Variants in DIXDC1 observed in about 807,000 individuals in gnomAD.
The protein encoded by DIXDC1 is dixin.
DIXDC1 carries 64 observed loss-of-function variants against 103.1 expected under a neutral mutation model. That is an observed-to-expected ratio of 0.62 (90% confidence interval 0.51 to 0.76). The LOEUF (loss-of-function observed/expected upper bound fraction) is 0.76, where lower values mean the gene tolerates loss of function less well. DIXDC1 is among the 30% of genes least tolerant of loss of function. The pLI, the probability that DIXDC1 is intolerant of heterozygous loss-of-function variation, is 0.00. For synonymous variants in DIXDC1, 266 were observed against 298.5 expected, an observed-to-expected ratio of 0.89 and a Z score of 1.12; for missense variants, 759 against 834.2, an observed-to-expected ratio of 0.91 and a Z score of 1.11.
chr11:112,005,702 A>C (rs1555176537), intron 17 of DIXDC1, among the ~76,000 whole-genome samples: 1 of 152,168 alleles, frequency 6.6e-6, no homozygotes, highest in Non-Finnish European at 1.5e-5. Context: ...AGAGTGAGAC[A>C]CTGTCCTCTC....
intron 1 of DIXDC1, among the ~76,000 whole-genome samples, chr11:111,960,594 T>TAAA (rs57035300): frequency 7.2e-6 from 1 of 139,686 alleles, no homozygotes; most frequent in African/African-American, 2.6e-5. Context: ...AACTCTGTCT[T>TAAA]AAAAAAAAAA....
In DIXDC1 at chr11:111,995,386, C is replaced by CT. The variant is rs782206207; in HGVS notation, c.1528-15dup. On this transcript the variant is annotated splice_polypyrimidine_tract_variant and intron_variant, in intron 15 of 19. Transcript: ENST00000440460. ...TGGCACCGTGCCATGCCAGCAACAC[C>CT]TTATTTTTGCCCACAGACCAGCGAC... 17 of 1,609,368 alleles carry CT rather than the reference C, an allele frequency of 1.1e-5. No individual in the cohort carries two copies. Among genetic ancestry groups the CT allele is most frequent in the Non-Finnish European group, 1.4e-5 (17 of 1,179,848 alleles).
upstream of DIXDC1, chr11:111,937,172 G>A (rs34088139): frequency 0.32 from 319,963 of 993,344 alleles, 54,017 homozygotes; most frequent in East Asian, 0.52. Flanking sequence ...TGCAGCGCGC[G>A]CCCTCGCCAG....
upstream of DIXDC1, among the ~76,000 whole-genome samples, chr11:111,934,419 A>G (rs1592532631): frequency 6.6e-6 from 1 of 152,360 alleles, no homozygotes; most frequent in East Asian, 1.9e-4. Context: ...ATATGCAGAA[A>G]GCAGTTTGCT....
intron 1 of DIXDC1, among the ~76,000 whole-genome samples, chr11:111,939,023 C>G (rs1966320707): frequency 6.6e-6 from 1 of 152,214 alleles, no homozygotes; most frequent in South Asian, 2.1e-4. Flanking sequence ...TTCCTCTTTT[C>G]TCACTCTCTG....
chr11:111,970,100 G>A (rs1185345674), intron 3 of DIXDC1, among the ~76,000 whole-genome samples: 1 of 152,158 alleles, frequency 6.6e-6, no homozygotes, highest in Non-Finnish European at 1.5e-5. Context: ...TTGTCACCCA[G>A]ACTGGAGTTC....
At chr11:111,934,350 A>G (rs782791938), upstream of DIXDC1, among the ~76,000 whole-genome samples, 6 of 152,182 alleles carry the variant, frequency 3.9e-5, no homozygotes, top group Non-Finnish European at 8.8e-5. Context: ...ATTATTGTCA[A>G]AATAATGCAG....
At chr11:112,000,029 G>A (rs1049240777) in intron 17 of DIXDC1, among the ~76,000 whole-genome samples, 7 of 151,990 alleles carry the variant, frequency 4.6e-5, no homozygotes, top group Admixed American at 1.3e-4. Context: ...CCAGCTACTC[G>A]GGGGCTGAGG....
intron 5 of DIXDC1, chr11:111,975,354 T>C: frequency 1.9e-6 from 2 of 1,069,626 alleles, no homozygotes; most frequent in Non-Finnish European, 2.3e-6. Context: ...TAAGTGTAAC[T>C]CTTAAGGCCG....
chr11:111,995,398 C>T lies in DIXDC1; in HGVS notation c.1528-5C>T. ...ATGCCAGCAACACCTTATTTTTGCCCACAGACCAGCGACCTGCAGCTTGTT... is the reference window on the plus strand; with the variant it reads ...ATGCCAGCAACACCTTATTTTTGCCTACAGACCAGCGACCTGCAGCTTGTT... On this transcript the variant is annotated splice_region_variant and splice_polypyrimidine_tract_variant and intron_variant, in intron 15 of 19. Transcript: ENST00000440460. 1 of 1,610,706 alleles carries T rather than the reference C, an allele frequency of 6.2e-7. No individual in the cohort carries two copies. The highest frequency in any genetic ancestry group is 8.5e-7 in the Non-Finnish European group (1 of 1,179,852).
intron 1 of DIXDC1, among the ~76,000 whole-genome samples, chr11:111,945,484 T>C (rs782590892): frequency 1.3e-5 from 2 of 152,184 alleles, no homozygotes; most frequent in African/African-American, 2.4e-5. Context: ...GAGGGAATCA[T>C]TGTGGGCTGG....
At chr11:112,000,110 A>G (rs61196156) in intron 17 of DIXDC1, among the ~76,000 whole-genome samples, 12,745 of 152,022 alleles carry the variant, frequency 0.084, 1,597 homozygotes, top group African/African-American at 0.27. Context: ...ACTCCAGCCT[A>G]GGCTACAGAG....
rs1215282446 is a variant in DIXDC1, at chr11:111,929,200, A to G, written c.-36-618A>G. Among the ~76,000 whole-genome samples the G allele has an allele frequency of 4.3e-4, 65 of 152,174 alleles. 1 individual carries two copies. Among genetic ancestry groups the G allele is most frequent in the Non-Finnish European group, 1.3e-4 (9 of 68,022 alleles). On this transcript the variant is annotated intron_variant, in intron 1 of 5. Coordinates refer to the DIXDC1 transcript ENST00000529225. ...TCCCCCCAACAAAAAAAAGAATTAC[A>G]CATGTTGCCTCTCTGGGTTAAAACT...
Position 111,992,492 on chromosome 11 carries a change from G to T in DIXDC1, c.1191G>T (p.Met397Ile). 1 of 1,571,474 alleles carries T rather than the reference G, an allele frequency of 6.4e-7. No homozygotes were observed. The highest frequency in any genetic ancestry group is 1.9e-5 in the Admixed American group (1 of 53,598). The change falls in exon 11 of 20, where the codon ATG (methionine) becomes ATT (isoleucine). Residue 397 changes from methionine (M) to isoleucine (I), a missense_variant. Met to Ile is a conservative substitution (Grantham distance 10). Transcript: ENST00000440460. ...QLKQELLRAN[M>I]DKDELHNQNV... ...AACAAGAGCTACTGAGGGCAAATAT[G>T]GACAAAGATGAGCTGCACAACCAGA...
At chr11:112,004,003 A>C (rs1247350529) in intron 17 of DIXDC1, among the ~76,000 whole-genome samples, 1 of 144,158 alleles carries the variant, frequency 6.9e-6, no homozygotes, top group Non-Finnish European at 1.5e-5. Flanking sequence ...ACATAAAAAA[A>C]CCCCATCTTA....
chr11:111,975,584 T>A, intron 5 of DIXDC1: 2 of 985,712 alleles, frequency 2.0e-6, no homozygotes, highest in Non-Finnish European at 2.4e-6. Flanking sequence ...ACCTTATCAG[T>A]GGCAGAAAAA....
At chr11:111,971,139 C>T (rs1859909460) in intron 3 of DIXDC1, among the ~76,000 whole-genome samples, 1 of 152,174 alleles carries the variant, frequency 6.6e-6, no homozygotes. Context: ...TCTAATTAAA[C>T]TAAAGAGCCT....
At chr11:111,955,592 T>C (rs1235159329) in intron 1 of DIXDC1, among the ~76,000 whole-genome samples, 2 of 151,720 alleles carry the variant, frequency 1.3e-5, no homozygotes, top group African/African-American at 4.8e-5. Context: ...CTCAGCACTT[T>C]GGGAAGCCAA....
In DIXDC1 at chr11:111,937,488, C is replaced by T; in HGVS notation, c.-12C>T. The T allele has an allele frequency of 3.2e-6, 5 of 1,577,922 alleles. No homozygotes were observed. The highest frequency in any genetic ancestry group is 4.3e-6 in the Non-Finnish European group (5 of 1,162,418). The stretch of plus-strand genomic sequence containing the variant: ...GCTGGAGACCCCGCCCGGGGAGCCC[C>T]CAGCAGGAACAATGCTAGCCTGCCT... On this transcript the variant is annotated 5_prime_UTR_variant, in exon 1 of 20. Coordinates refer to ENST00000440460, the MANE Select transcript of DIXDC1 (RefSeq NM_001037954.4).
Sources: allele counts gnomAD v4.1 joint callset (sites outside exome capture counted in the v4.1 genomes callset), GRCh38; gene constraint gnomAD v4.1.1; transcripts MANE v1.5; gene names NCBI Gene and HGNC (gene_info 2026-07-23, HGNC 2026-07-21).